Variants in UMODL1 observed in about 807,000 individuals in gnomAD.
UMODL1 encodes the protein uromodulin like 1.
Under a neutral mutation model 136.3 loss-of-function variants are expected in UMODL1, and 128 were observed. The observed-to-expected ratio is 0.94, with a 90% CI of 0.81 to 1.09. The LOEUF (loss-of-function observed/expected upper bound fraction) is 1.09. Ranked by LOEUF, UMODL1 falls within the 50% of genes least tolerant of loss-of-function variation. The probability of loss-of-function intolerance (pLI) is 0.00; values close to 1 mark genes in which losing one functional copy is unlikely to be tolerated. For synonymous variants in UMODL1, 721 were observed against 720.0 expected (o/e 1.00, Z -0.02); for missense variants, 1,766 against 1,725.6 (o/e 1.02, Z -0.41).
intron 1 of UMODL1, among the ~76,000 whole-genome samples, chr21:42,075,243 G>C (rs1011238501): frequency 1.0e-4 from 5 of 49,014 alleles, no homozygotes; most frequent in Non-Finnish European, 2.2e-4. Context: ...GCTGGAGATG[G>C]GGGGGGGGTT....
chr21:42,098,326 C>T (rs1281436453), intron 6 of UMODL1, among the ~76,000 whole-genome samples: 1 of 152,208 alleles, frequency 6.6e-6, no homozygotes, highest in Admixed American at 6.5e-5. Flanking sequence ...ATTTCAACTT[C>T]AGACCTCTTG....
At chr21:42,100,500 A>G (rs13046044) in intron 7 of UMODL1, among the ~76,000 whole-genome samples, 515 of 152,064 alleles carry the variant, frequency 3.4e-3, no homozygotes, top group Non-Finnish European at 5.8e-3. Context: ...CCTCGACACA[A>G]GCCCTCCACT....
intron 9 of UMODL1, among the ~76,000 whole-genome samples, chr21:42,105,855 C>A (rs1033339930): frequency 6.6e-6 from 1 of 152,182 alleles, no homozygotes; most frequent in Non-Finnish European, 1.5e-5. Context: ...TTTGTGATGG[C>A]AGCCACAGGA....
intron 1 of UMODL1, among the ~76,000 whole-genome samples, chr21:42,074,181 C>T (rs1267958781): frequency 6.6e-6 from 1 of 152,218 alleles, no homozygotes; most frequent in African/African-American, 2.4e-5. Flanking sequence ...GCAGGAGTCT[C>T]TGCTCCGGGC....
intron 20 of UMODL1, 184 bp downstream of exon 20, chr21:42,128,015 A>T: frequency 1.3e-6 from 1 of 782,796 alleles, no homozygotes; most frequent in Non-Finnish European, 2.1e-6. Flanking sequence ...CAGCCCTTGG[A>T]CGGAGGACTC....
intron 2 of UMODL1, 103 bp downstream of exon 2, chr21:42,076,350 T>G: frequency 6.5e-7 from 1 of 1,543,510 alleles, no homozygotes; most frequent in Non-Finnish European, 8.8e-7. Flanking sequence ...TTGCTAGATC[T>G]TCCAGGAGCA....
chr21:42,108,876 C>T (rs1601233327), intron 9 of UMODL1, among the ~76,000 whole-genome samples: 2 of 88,596 alleles, frequency 2.3e-5, no homozygotes, highest in African/African-American at 4.8e-5. Context: ...ACCCCACCCC[C>T]GGCGTGGGAA....
intron 2 of UMODL1, among the ~76,000 whole-genome samples, chr21:42,077,469 T>C (rs978314074): frequency 7.1e-6 from 1 of 140,656 alleles, no homozygotes; most frequent in Non-Finnish European, 1.6e-5. Context: ...GTTAAAACAA[T>C]TTTACAGAAA....
intron 22 of UMODL1, among the ~76,000 whole-genome samples, chr21:42,139,931 G>A (rs773577351): frequency 1.3e-5 from 2 of 152,126 alleles, no homozygotes; most frequent in Non-Finnish European, 2.9e-5. Flanking sequence ...TTCCACAAGC[G>A]GGTGGCGTTT....
chr21:42,111,468 C>A, intron 11 of UMODL1, 38 bp from the exon 12 acceptor site: 2 of 1,613,852 alleles, frequency 1.2e-6, no homozygotes, highest in East Asian at 2.2e-5. Flanking sequence ...AGCTTCCCTC[C>A]TGGGGCCACA....
chr21:42,103,887 C>T lies in UMODL1; in HGVS notation c.1319C>T (p.Pro440Leu). 6.2e-7 allele frequency: 1 copy of T among 1,614,176 alleles called. No homozygotes were observed. Among genetic ancestry groups the T allele is most frequent in the South Asian group, 1.1e-5 (1 of 91,080 alleles). Reference protein sequence around the residue: ...LLHEVESSFPPVVSDLYRSGK... With the variant: ...LLHEVESSFPLVVSDLYRSGK... ...GGCTAGGTCGAGAGCTCCTTCCCAC[C>T]AGTGGTGTCTGACTTGTACCGAAGT... The change falls in exon 9 of 23, where the codon CCA (proline) becomes CTA (leucine). Residue 440 changes from proline (P) to leucine (L), a missense_variant. Physicochemically the swap from Pro to Leu is moderately conservative, Grantham distance 98 (BLOSUM62 -3). Transcript: ENST00000408910.
At chr21:42,113,511 A>C in intron 12 of UMODL1, 62 bp from the exon 13 acceptor site, 1 of 1,561,498 alleles carries the variant, frequency 6.4e-7, no homozygotes, top group Non-Finnish European at 8.7e-7. Flanking sequence ...GCATTGGGCG[A>C]GGCTTCTTTT....
chr21:42,122,839 C>T lies in UMODL1; in HGVS notation c.2836C>T (p.Pro946Ser), dbSNP rs1275140929. ...YSERPCEGDS[P>S]GNETWATSPE... ...CTCCTTGTGCCTTGCAGGTGACTCT[C>T]CTGGCAATGAAACCTGGGCCACCAG... The change falls in exon 17 of 23, where the codon CCT (proline) becomes TCT (serine). Residue 946 changes from proline to serine, a missense_variant. Coordinates refer to ENST00000408910, the MANE Select transcript of UMODL1 (RefSeq NM_001004416.3). The surrounding 1 kb of genome is among the most constrained non-coding windows in gnomAD (Gnocchi z 4.3). The T allele has an allele frequency of 2.1e-5, 33 of 1,596,274 alleles. No individual in the cohort carries two copies. The highest frequency in any genetic ancestry group is 2.7e-5 in the Non-Finnish European group (32 of 1,168,618).
intron 9 of UMODL1, among the ~76,000 whole-genome samples, chr21:42,105,100 T>TG (rs1425293809): frequency 6.6e-6 from 1 of 152,130 alleles, no homozygotes; most frequent in Non-Finnish European, 1.5e-5. Context: ...GGGTTGGGTG[T>TG]GGGGGGATCT....
At chr21:42,083,407 G>A (rs1255490197) in intron 2 of UMODL1, among the ~76,000 whole-genome samples, 1 of 152,102 alleles carries the variant, frequency 6.6e-6, no homozygotes, top group Non-Finnish European at 1.5e-5. Context: ...ATCTCCCCAG[G>A]GACCCATGCT....
Position 42,123,299 on chromosome 21 carries a change from C to G in UMODL1, c.3147+149C>G, listed in dbSNP as rs2067005153. On this transcript the variant is annotated intron_variant, in intron 17 of 22. Transcript: ENST00000408910. The surrounding 1 kb of genome is among the most constrained non-coding windows in gnomAD (Gnocchi z 4.4). ...TTCAGGACAGGGTTGAGTTCTCAAC[C>G]AGGGACCAGCCTGCACCCCAGAATC... 1 of 928,338 alleles carries G rather than the reference C, an allele frequency of 1.1e-6. No homozygotes were observed. Among genetic ancestry groups the G allele is most frequent in the Middle Eastern group, 3.2e-4 (1 of 3,124 alleles). The allele number at this position is 928,338 out of a possible 1,614,324, so 57.5% of individuals were successfully genotyped here.
chr21:42,080,328 C>T (rs778234465), intron 2 of UMODL1, among the ~76,000 whole-genome samples: 5 of 152,130 alleles, frequency 3.3e-5, no homozygotes, highest in Non-Finnish European at 5.9e-5. Flanking sequence ...TACTGGGAAG[C>T]GTGAAGGGCA....
chr21:42,073,370 T>C (rs1338855612), intron 1 of UMODL1, among the ~76,000 whole-genome samples: 1 of 152,190 alleles, frequency 6.6e-6, no homozygotes, highest in Non-Finnish European at 1.5e-5. Context: ...ATTTGTCCTG[T>C]TCCACCCCGT....
intron 22 of UMODL1, 142 bp downstream of exon 22, chr21:42,137,783 A>G (rs574782296): frequency 7.5e-5 from 75 of 994,168 alleles, no homozygotes; most frequent in African/African-American, 1.0e-4. Flanking sequence ...GGAGTGGGGT[A>G]GGAGGTGCAG....
Sources: allele counts gnomAD v4.1 joint callset (sites outside exome capture counted in the v4.1 genomes callset), GRCh38; gene constraint gnomAD v4.1.1; non-coding constraint Gnocchi (gnomAD v3.1); transcripts MANE v1.5; gene names NCBI Gene and HGNC (gene_info 2026-07-23, HGNC 2026-07-21).